WDPCP: variants seen among roughly 807,000 people sequenced by gnomAD.
The protein encoded by WDPCP is WD repeat containing planar cell polarity effector, also known as WD repeat-containing and planar cell polarity effector protein fritz homolog.
WDPCP carries 71 observed loss-of-function variants against 93.1 expected under a neutral mutation model. The ratio of observed to expected loss-of-function variants is 0.76; its 90% CI spans 0.63 to 0.93. The LOEUF (loss-of-function observed/expected upper bound fraction) is 0.93. WDPCP is among the 40% of genes least tolerant of loss of function. The probability of loss-of-function intolerance (pLI) is 0.00; values close to 1 mark genes in which losing one functional copy is unlikely to be tolerated. For missense variants in WDPCP, 844 were observed against 887.4 expected (o/e 0.95, Z 0.62); for synonymous variants, 315 against 315.0 (o/e 1.00, Z 0.00).
chr2:63,301,993 A>G (rs1685367382), intron 13 of WDPCP, among the ~76,000 whole-genome samples: 1 of 152,198 alleles, frequency 6.6e-6, no homozygotes, highest in Admixed American at 6.5e-5. Flanking sequence ...TTTAGCAATC[A>G]TATCGGGCAG....
intron 12 of WDPCP, among the ~76,000 whole-genome samples, chr2:63,328,411 C>T (rs1192087166): frequency 6.6e-6 from 1 of 152,132 alleles, no homozygotes; most frequent in Non-Finnish European, 1.5e-5. Context: ...ACACTTACTG[C>T]GAAGGTCTGC....
chr2:63,792,144 A>G (rs1362862855), intron 2 of WDPCP, among the ~76,000 whole-genome samples: 7 of 152,202 alleles, frequency 4.6e-5, no homozygotes, highest in Non-Finnish European at 7.3e-5. Flanking sequence ...GTATTAGTCC[A>G]TTTACACACT....
chr2:63,647,745 CACTGGGTAAA>C (rs1710067828), intron 3 of WDPCP, among the ~76,000 whole-genome samples: 1 of 151,922 alleles, frequency 6.6e-6, no homozygotes, highest in Admixed American at 6.6e-5. Flanking sequence ...AAGATGTAAC[CACTGGGTAAA>C]ACTGGGTAAA....
At chr2:63,148,462 C>A (rs1430464296) in intron 17 of WDPCP, among the ~76,000 whole-genome samples, 1 of 152,152 alleles carries the variant, frequency 6.6e-6, no homozygotes, top group Admixed American at 6.5e-5. Context: ...GTCTCAGTCT[C>A]CCGAGTAGCT....
chr2:63,380,562 A>G (rs1692215644), intron 11 of WDPCP, among the ~76,000 whole-genome samples: 1 of 151,978 alleles, frequency 6.6e-6, no homozygotes, highest in Non-Finnish European at 1.5e-5. Flanking sequence ...TCCCTCTACT[A>G]AAAATAGAAA....
intron 10 of WDPCP, chr2:63,403,809 A>G (rs1694334031): frequency 5.9e-6 from 3 of 506,504 alleles, no homozygotes; most frequent in Non-Finnish European, 1.0e-5. Context: ...TGTAAAAATT[A>G]GGGCTTTTGA....
intron 10 of WDPCP, among the ~76,000 whole-genome samples, chr2:63,401,108 C>A (rs1323608164): frequency 1.3e-5 from 2 of 151,968 alleles, no homozygotes; most frequent in Admixed American, 6.6e-5. Context: ...GACGAAAAAA[C>A]CAAAAGCAAT....
In WDPCP at chr2:63,548,243, A is replaced by G. The variant is rs1423740503; in HGVS notation, c.75+39954T>C. ...AAGAAGGAAAAATGATTTTTCATGA[A>G]AATACTAACAAAAAGATACCTGGTA... is the stretch of plus-strand genomic sequence containing the variant. On this transcript the variant is annotated intron_variant, in intron 1 of 17. Coordinates refer to ENST00000272321, the MANE Select transcript of WDPCP (RefSeq NM_015910.7). 4.6e-5 allele frequency among the ~76,000 whole-genome samples: 7 copies of G among 152,110 alleles called. No individual in the cohort carries two copies. In the East Asian group the frequency reaches 1.3e-3, roughly 29 times the overall value.
intron 3 of WDPCP, among the ~76,000 whole-genome samples, chr2:63,603,703 G>A (rs1429898019): frequency 7.7e-6 from 1 of 129,332 alleles, no homozygotes; most frequent in Admixed American, 9.7e-5. Context: ...CATCGCCCAT[G>A]CTGGAGTGCA....
In WDPCP at chr2:63,550,228, CACACACACACA is replaced by C. The variant is rs761256674; in HGVS notation, c.75+37958_75+37968del. ...ACACACACACACACACACACACACA[CACACACACACA>C]CCCTTCCTCTAATTCCAATGACCAC... On this transcript the variant is annotated intron_variant, in intron 1 of 17. Transcript: ENST00000272321. Among the ~76,000 whole-genome samples the C allele has an allele frequency of 4.2e-3, 630 of 148,492 alleles. 6 individuals carry two copies. The highest frequency in any genetic ancestry group is 0.01 in the East Asian group (52 of 4,986).
At chr2:63,449,429 T>C (rs910109956) in intron 6 of WDPCP, among the ~76,000 whole-genome samples, 1 of 152,110 alleles carries the variant, frequency 6.6e-6, no homozygotes, top group South Asian at 2.1e-4. Flanking sequence ...GCACCTTGAA[T>C]AGAAAATCTA....
chr2:63,595,539 A>G, intron 3 of WDPCP: 1 of 1,445,518 alleles, frequency 6.9e-7, no homozygotes, highest in Non-Finnish European at 9.7e-7. Flanking sequence ...GGAGTAGAGA[A>G]GGGATTTTAT....
intron 17 of WDPCP, among the ~76,000 whole-genome samples, chr2:63,124,479 CA>C (rs1669758806): frequency 6.6e-6 from 1 of 152,098 alleles, no homozygotes; most frequent in South Asian, 2.1e-4. Context: ...TGGGTGATAT[CA>C]GGTCACTTTC....
At chr2:63,353,265 C>T (rs1053448111) in intron 12 of WDPCP, among the ~76,000 whole-genome samples, 1 of 152,148 alleles carries the variant, frequency 6.6e-6, no homozygotes, top group African/African-American at 2.4e-5. Context: ...GACCATGGAG[C>T]CTTAGATACT....
At chr2:63,424,045 C>T (rs1379112210) in intron 9 of WDPCP, among the ~76,000 whole-genome samples, 1 of 152,084 alleles carries the variant, frequency 6.6e-6, no homozygotes, top group Non-Finnish European at 1.5e-5. Context: ...ACCAGGACAG[C>T]AATCCTGGCC....
intron 2 of WDPCP, among the ~76,000 whole-genome samples, chr2:63,656,890 C>T (rs1710172953): frequency 6.6e-6 from 1 of 152,162 alleles, no homozygotes; most frequent in African/African-American, 2.4e-5. Context: ...TCAGGAGAGC[C>T]TTTTACAAGA....
In WDPCP at chr2:63,224,152, A is replaced by G. The variant is rs1345297265; in HGVS notation, c.1915+35155T>C. On this transcript the variant is annotated intron_variant, in intron 14 of 17. Coordinates refer to ENST00000272321, the MANE Select transcript of WDPCP (RefSeq NM_015910.7). The stretch of plus-strand genomic sequence containing the variant: ...CATAGGAAAAGATACGCCACATCAT[A>G]TGTCATTAAGGAAATGCAATTTTCA... Among the ~76,000 whole-genome samples, 2 of 152,104 alleles carry G rather than the reference A, an allele frequency of 1.3e-5. 1 individual carries two copies. The highest frequency in any genetic ancestry group is 1.3e-4 in the Admixed American group (2 of 15,228).
intron 3 of WDPCP, among the ~76,000 whole-genome samples, chr2:63,626,881 G>C (rs1414199715): frequency 6.6e-6 from 1 of 151,804 alleles, no homozygotes; most frequent in Non-Finnish European, 1.5e-5. Context: ...TGTAGATGAC[G>C]GGTTGATGGG....
At chr2:63,693,511 G>A (rs1170577795) in intron 2 of WDPCP, among the ~76,000 whole-genome samples, 2 of 152,042 alleles carry the variant, frequency 1.3e-5, no homozygotes, top group African/African-American at 4.8e-5. Flanking sequence ...GGTGGGAGTT[G>A]AATGGAGCTA....
Sources: allele counts gnomAD v4.1 joint callset (sites outside exome capture counted in the v4.1 genomes callset), GRCh38; gene constraint gnomAD v4.1.1; transcripts MANE v1.5; gene names NCBI Gene and HGNC (gene_info 2026-07-23, HGNC 2026-07-21).